The following CACNA2D2 variants were observed in gnomAD, a reference collection of about 807,000 sequenced individuals.
CACNA2D2 encodes voltage-dependent calcium channel subunit alpha-2/delta-2.
Under a neutral mutation model 166.4 loss-of-function variants are expected in CACNA2D2, and 48 were observed. The ratio of observed to expected loss-of-function variants is 0.29; its 90% CI spans 0.23 to 0.37. The LOEUF (loss-of-function observed/expected upper bound fraction) is 0.37, where lower values mean the gene tolerates loss of function less well. CACNA2D2 is among the 10% of genes least tolerant of loss of function. The pLI, the probability that CACNA2D2 is intolerant of heterozygous loss-of-function variation, is 1.00. For synonymous variants in CACNA2D2, 561 were observed against 573.7 expected (o/e 0.98, Z 0.32); for missense variants, 1,122 against 1,433.0 (o/e 0.78, Z 3.50).
intron 3 of CACNA2D2, among the ~76,000 whole-genome samples, chr3:50,420,059 G>A (rs1050908864): frequency 1.9e-4 from 29 of 152,266 alleles, no homozygotes; most frequent in Middle Eastern, 3.2e-3. Context: ...CTTGCCTGCC[G>A]TCTCTCTTCC....
chr3:50,367,419 A>G lies in CACNA2D2; in HGVS notation c.2376T>C (p.Tyr792=), dbSNP rs1704377320. 1 of 1,613,720 alleles carries G rather than the reference A, an allele frequency of 6.2e-7. No homozygotes were observed. Among genetic ancestry groups the G allele is most frequent in the African/African-American group, 1.3e-5 (1 of 74,912 alleles). Residue 792 remains tyrosine (Y), a synonymous_variant, in exon 27 of 38, where the codon TAT becomes TAC. Transcript: ENST00000424201. The surrounding 1 kb of genome is among the most constrained non-coding windows in gnomAD (Gnocchi z 6.5). ...FYRRSLDNHG[Y]VFKPPHQDAL... is the part of the protein sequence containing the mutation. ...CATCCTGGTGTGGGGGCTTGAAGAC[A>G]TAACCGTGGTTATCCAGGCTGCGGC...
chr3:50,407,777 T>C (rs1397541128), intron 3 of CACNA2D2, among the ~76,000 whole-genome samples: 1 of 151,056 alleles, frequency 6.6e-6, no homozygotes, highest in East Asian at 1.9e-4. Context: ...GGGAGAGGAG[T>C]ATGGTTAGGC....
At position 50,365,485 on chromosome 3, in the gene CACNA2D2, G is replaced by A. The variant is rs768270735; in HGVS notation, c.2972-3C>T. 22 of 1,613,078 alleles carry A rather than the reference G, an allele frequency of 1.4e-5. No homozygotes were observed. Among genetic ancestry groups the A allele is most frequent in the South Asian group, 1.1e-4 (10 of 91,032 alleles). On this transcript the variant is annotated splice_polypyrimidine_tract_variant and splice_region_variant and intron_variant, in intron 34 of 37. Coordinates refer to ENST00000424201, the MANE Select transcript of CACNA2D2 (RefSeq NM_006030.4). This position sits in a 1 kb window ranked among gnomAD's most constrained non-coding sequence, Gnocchi z 4.5. ...GCTCCCCTCGGCCTCCGCGGGGTCT[G>A]CGAGGGCCCAGAGCGCCTCAGCTCC...
At position 50,476,063 on chromosome 3, in the gene CACNA2D2, T is replaced by C; in HGVS notation, c.288+55A>G. On this transcript the variant is annotated intron_variant, in intron 2 of 37. Transcript: ENST00000424201. ...CCTCACTCCTTATTTCTGAAGCTTTTCCCCTTCCCTTGGAAGAGGGTCCCT... is the reference window on the plus strand; with the variant it reads ...CCTCACTCCTTATTTCTGAAGCTTTCCCCCTTCCCTTGGAAGAGGGTCCCT... 4 of 1,421,368 alleles carry C rather than the reference T, an allele frequency of 2.8e-6. No homozygotes were observed. In the South Asian group the frequency reaches 3.7e-5, roughly 13 times the overall value. The allele number at this position is 1,421,368 out of a possible 1,614,324, so 88.0% of individuals were successfully genotyped here.
intron 14 of CACNA2D2, 42 bp downstream of exon 14, chr3:50,378,242 G>T: frequency 6.4e-7 from 1 of 1,554,772 alleles, no homozygotes; most frequent in South Asian, 1.2e-5. Context: ...CGTCCCTGCA[G>T]GGAAGCCAGG....
rs781061359 is a variant in CACNA2D2 at position 50,370,311 on chromosome 3, G to C, written c.2045+9C>G. 1.3e-6 allele frequency: 2 copies of C among 1,575,720 alleles called. No individual in the cohort carries two copies. The highest frequency in any genetic ancestry group is 1.2e-5 in the South Asian group (1 of 85,944). On this transcript the variant is annotated intron_variant, in intron 23 of 37. Coordinates refer to ENST00000424201, the MANE Select transcript of CACNA2D2 (RefSeq NM_006030.4). ...GGAGGACACCTCAGCAAGGCCACACGCAAGCTACCTGGGAGCAATGAAAAC... is the reference window on the plus strand; with the variant it reads ...GGAGGACACCTCAGCAAGGCCACACCCAAGCTACCTGGGAGCAATGAAAAC...
At chr3:50,378,704 C>A (rs1322951864) in intron 13 of CACNA2D2, among the ~76,000 whole-genome samples, 1 of 152,194 alleles carries the variant, frequency 6.6e-6, no homozygotes. Flanking sequence ...GACGGTTGGA[C>A]AATGGACAGA....
At chr3:50,372,111 T>C (rs1028447925) in intron 22 of CACNA2D2, among the ~76,000 whole-genome samples, 4 of 152,112 alleles carry the variant, frequency 2.6e-5, no homozygotes. Flanking sequence ...CTCTGAGACC[T>C]TTGTAATGCT....
chr3:50,377,947 T>C, intron 15 of CACNA2D2, 61 bp downstream of exon 15: 1 of 1,557,220 alleles, frequency 6.4e-7, no homozygotes, highest in South Asian at 1.1e-5. Context: ...GTCTTGACCC[T>C]GTGGGCACAT....
chr3:50,385,944 C>A (rs587695718), intron 5 of CACNA2D2, among the ~76,000 whole-genome samples: 1 of 152,166 alleles, frequency 6.6e-6, no homozygotes, highest in African/African-American at 2.4e-5. Context: ...TATCAGCTGG[C>A]GAACTTCTTC....
chr3:50,372,373 C>A (rs1246112661), intron 22 of CACNA2D2, among the ~76,000 whole-genome samples: 1 of 152,212 alleles, frequency 6.6e-6, no homozygotes, highest in Non-Finnish European at 1.5e-5. Flanking sequence ...CAAGCCACCC[C>A]GGGGCTCAGC....
chr3:50,470,540 T>C (rs1710024109), intron 2 of CACNA2D2, among the ~76,000 whole-genome samples: 1 of 129,612 alleles, frequency 7.7e-6, no homozygotes, highest in Admixed American at 9.2e-5. Flanking sequence ...GAAAAGCTTC[T>C]CAAAAATGGA....
chr3:50,408,346 C>T (rs1033762547), intron 3 of CACNA2D2, among the ~76,000 whole-genome samples: 1 of 152,242 alleles, frequency 6.6e-6, no homozygotes, highest in African/African-American at 2.4e-5. Context: ...TGTCACTCTG[C>T]TGGATGTGGA....
rs1705151218 is a variant in CACNA2D2 at position 50,379,048 on chromosome 3, A to T, written c.1260+44T>A. ...CCACCAGGGGACAGCCCTCTTCTGT[A>T]CTGGGCCCAGGTCAGGGTAGCCCCT... On this transcript the variant is annotated intron_variant, in intron 12 of 37. Transcript: ENST00000424201. The surrounding 1 kb of genome is among the most constrained non-coding windows in gnomAD (Gnocchi z 6.5). 6.2e-7 allele frequency: 1 copy of T among 1,612,750 alleles called. No homozygotes were observed. The highest frequency in any genetic ancestry group is 8.5e-7 in the Non-Finnish European group (1 of 1,179,154).
At chr3:50,424,624 T>C (rs988068710) in intron 3 of CACNA2D2, among the ~76,000 whole-genome samples, 3 of 152,162 alleles carry the variant, frequency 2.0e-5, no homozygotes, top group Non-Finnish European at 4.4e-5. Context: ...CAGACTGCAC[T>C]CCTCAAGGGA....
At chr3:50,486,808 G>C (rs1335728969) in intron 1 of CACNA2D2, among the ~76,000 whole-genome samples, 1 of 152,172 alleles carries the variant, frequency 6.6e-6, no homozygotes, top group Non-Finnish European at 1.5e-5. Flanking sequence ...TGGCCAAAAA[G>C]AGTTCTGGAA....
intron 4 of CACNA2D2, 82 bp from the exon 5 acceptor site, chr3:50,387,694 C>T (rs1354644891): frequency 9.2e-6 from 10 of 1,081,900 alleles, no homozygotes; most frequent in Non-Finnish European, 1.4e-5. Context: ...GCCTGCATGG[C>T]ACCCTTAGAT....
chr3:50,368,931 GCT>G (rs1238367022), intron 23 of CACNA2D2, among the ~76,000 whole-genome samples: 1 of 152,216 alleles, frequency 6.6e-6, no homozygotes, highest in Non-Finnish European at 1.5e-5. Flanking sequence ...GATAGGTGGA[GCT>G]CTCTCTCGCT....
At chr3:50,462,387 A>AAATAATAATAAT (rs55797246) in intron 2 of CACNA2D2, among the ~76,000 whole-genome samples, 132 of 137,598 alleles carry the variant, frequency 9.6e-4, no homozygotes, top group Middle Eastern at 3.7e-3. Flanking sequence ...GACTGTCTCA[A>AAATAATAATAAT]AATAATAATA....
Sources: gnomAD v4.1 joint callset for allele counts (sites outside exome capture counted in the v4.1 genomes callset) on GRCh38, gnomAD v4.1.1 for gene constraint, Gnocchi (gnomAD v3.1) non-coding constraint, MANE v1.5 for transcripts, NCBI Gene and HGNC (gene_info 2026-07-23, HGNC 2026-07-21) for gene names.